USP39: variants seen among roughly 807,000 people sequenced by gnomAD.
USP39 encodes the protein ubiquitin specific peptidase 39.
A neutral mutation model predicts 66.4 loss-of-function variants in USP39; 38 were observed. The observed-to-expected ratio is 0.57, with a 90% CI of 0.44 to 0.75. USP39 has a LOEUF of 0.75. Among genes scored for constraint, USP39 ranks in the 30% least tolerant of loss-of-function variants. USP39 has a pLI of 0.00. For synonymous variants in USP39, 303 were observed against 274.6 expected (o/e 1.10, Z -1.02); for missense variants, 608 against 714.4 (o/e 0.85, Z 1.70).
chr2:85,611,794 G>A, upstream of USP39: 1 of 1,610,874 alleles, frequency 6.2e-7, no homozygotes, highest in Non-Finnish European at 8.5e-7. Flanking sequence ...TCCCTGCGGG[G>A]AGCCGAGCGG....
upstream of USP39, chr2:85,612,169 G>GT: frequency 1.1e-6 from 1 of 910,596 alleles, no homozygotes. Flanking sequence ...GTCGGGTGGA[G>GT]TAGGGTATGC....
At chr2:85,610,053 T>G (rs1476211872), upstream of USP39, among the ~76,000 whole-genome samples, 1 of 144,454 alleles carries the variant, frequency 6.9e-6, no homozygotes, top group African/African-American at 2.6e-5. Flanking sequence ...CTTGCTCTGT[T>G]GCCCAGGCTG....
At position 85,628,537 on chromosome 2, in the gene USP39, A is replaced by G. The variant is rs573150443; in HGVS notation, c.724-2184A>G. Among the ~76,000 whole-genome samples, 6 of 152,160 alleles carry G rather than the reference A, an allele frequency of 3.9e-5. 1 individual carries two copies. The South Asian group carries it at 1.2e-3, about 32-fold the overall frequency. ...CTGATGAATTTTAGATCGCATAGGA[A>G]GTTCTCTTTATAAAAATAAATGGAT... On this transcript the variant is annotated intron_variant, in intron 5 of 12. Coordinates refer to ENST00000323701, the MANE Select transcript of USP39 (RefSeq NM_006590.4).
upstream of USP39, chr2:85,608,308 GGA>G (rs1434150505): frequency 3.3e-5 from 5 of 152,184 alleles, no homozygotes; most frequent in African/African-American, 1.2e-4. Context: ...CCTCAAAAAT[GGA>G]GGTCTCCCAC....
At chr2:85,645,321 G>A (rs1311743657) in intron 11 of USP39, 1 of 411,268 alleles carries the variant, frequency 2.4e-6, no homozygotes, top group Non-Finnish European at 4.3e-6. Flanking sequence ...CTGTAGCCCA[G>A]GCTGGAGTGC....
chr2:85,648,897 G>T lies in USP39; in HGVS notation c.*89G>T. 1.9e-6 allele frequency: 3 copies of T among 1,542,012 alleles called. No homozygotes were observed. In the South Asian group the frequency reaches 3.4e-5, roughly 17 times the overall value. The stretch of plus-strand genomic sequence containing the variant: ...GCTGTAGCTGAACACAGGCTGGCTG[G>T]TGGGCTTCCTAGGCCAGCCCAGCTT... On this transcript the variant is annotated 3_prime_UTR_variant, in exon 13 of 13. Coordinates refer to ENST00000323701, the MANE Select transcript of USP39 (RefSeq NM_006590.4).
chr2:85,627,478 T>G (rs1174798421), intron 5 of USP39, among the ~76,000 whole-genome samples: 3 of 151,918 alleles, frequency 2.0e-5, no homozygotes, highest in African/African-American at 7.3e-5. Context: ...AAACACAGGC[T>G]TATTGGGGAA....
intron 1 of USP39, chr2:85,603,119 A>C (rs1427191399): frequency 6.6e-6 from 1 of 152,300 alleles, no homozygotes; most frequent in Admixed American, 6.5e-5. Flanking sequence ...GTGGCGCCCC[A>C]TGCCTGCCTC....
At chr2:85,647,879 C>G (rs1676770101) in intron 11 of USP39, 51 bp from the exon 12 acceptor site, 4 of 1,561,588 alleles carry the variant, frequency 2.6e-6, no homozygotes, top group Non-Finnish European at 3.5e-6. Context: ...TCCTTCTACA[C>G]CCTTTTGGTT....
At chr2:85,629,938 G>A (rs1308149488) in intron 5 of USP39, among the ~76,000 whole-genome samples, 1 of 152,060 alleles carries the variant, frequency 6.6e-6, no homozygotes, top group Non-Finnish European at 1.5e-5. Flanking sequence ...CTCCAGCCTG[G>A]GGGATGGAGC....
chr2:85,617,414 G>A (rs780951438), intron 1 of USP39, among the ~76,000 whole-genome samples: 8 of 152,176 alleles, frequency 5.3e-5, no homozygotes, highest in African/African-American at 1.2e-4. Flanking sequence ...GTTTGTGCAC[G>A]TACTGCGACC....
chr2:85,639,729 G>T (rs974401048), intron 9 of USP39: 12 of 186,096 alleles, frequency 6.4e-5, no homozygotes, highest in Non-Finnish European at 1.2e-4. Context: ...TTACAGGCGT[G>T]GGCCACCACA....
At position 85,648,907 on chromosome 2, in the gene USP39, T is replaced by G. The variant is rs1348004028; in HGVS notation, c.*99T>G. 2 of 1,442,294 alleles carry G rather than the reference T, an allele frequency of 1.4e-6. No homozygotes were observed. The highest frequency in any genetic ancestry group is 2.8e-5 in the African/African-American group (2 of 70,904). The allele number at this position is 1,442,294 out of a possible 1,614,324, so 89.3% of individuals were successfully genotyped here. ...AACACAGGCTGGCTGGTGGGCTTCC[T>G]AGGCCAGCCCAGCTTGTATGGGTTC... On this transcript the variant is annotated 3_prime_UTR_variant, in exon 13 of 13. Coordinates refer to ENST00000323701, the MANE Select transcript of USP39 (RefSeq NM_006590.4).
chr2:85,635,960 A>G (rs561040423), intron 6 of USP39, 93 bp from the exon 7 acceptor site: 4 of 1,186,482 alleles, frequency 3.4e-6, no homozygotes, highest in Non-Finnish European at 1.3e-6. Context: ...CCAGAGAGGA[A>G]GGGGGAGAAC....
chr2:85,639,667 C>T (rs959629018), intron 9 of USP39: 3 of 249,826 alleles, frequency 1.2e-5, no homozygotes, highest in Admixed American at 5.1e-5. Flanking sequence ...AGGTTGGTCT[C>T]GAACTCTTGA....
Position 85,637,521 on chromosome 2 carries a change from C to A in USP39, c.1095+85C>A, listed in dbSNP as rs538102309. 1.0e-4 allele frequency: 151 copies of A among 1,450,996 alleles called. 1 individual carries two copies. In the South Asian group the frequency reaches 1.7e-3, roughly 16 times the overall value. The allele number at this position is 1,450,996 out of a possible 1,614,324, so 89.9% of individuals were successfully genotyped here. A position where few individuals can be genotyped will look rare whatever the true frequency, so the allele number is the denominator to read the frequency against. On this transcript the variant is annotated intron_variant, in intron 8 of 12. Transcript: ENST00000323701. ...GATGAAGAGATGCTCAGAGAACTGACAAGCCTGCTTGCCCTGTGAAGAGGT... is the reference window on the plus strand; with the variant it reads ...GATGAAGAGATGCTCAGAGAACTGAAAAGCCTGCTTGCCCTGTGAAGAGGT...
intron 6 of USP39, among the ~76,000 whole-genome samples, chr2:85,634,676 C>G (rs1418213107): frequency 6.6e-6 from 1 of 152,194 alleles, no homozygotes; most frequent in Non-Finnish European, 1.5e-5. Context: ...GCTAGGTTAT[C>G]TTGTGTTTAT....
chr2:85,612,441 TAG>T, upstream of USP39: 1 of 1,388,806 alleles, frequency 7.2e-7, no homozygotes, highest in Non-Finnish European at 9.9e-7. Context: ...GTTTCCTCAT[TAG>T]TAAATGGGAA....
At chr2:85,627,192 G>A (rs914066658) in intron 5 of USP39, among the ~76,000 whole-genome samples, 4 of 151,856 alleles carry the variant, frequency 2.6e-5, no homozygotes, top group Non-Finnish European at 5.9e-5. Flanking sequence ...TGCTCCCCAG[G>A]TTCAAGTGAT....
Sources: gnomAD v4.1 joint callset for allele counts (sites outside exome capture counted in the v4.1 genomes callset) on GRCh38, gnomAD v4.1.1 for gene constraint, MANE v1.5 for transcripts, NCBI Gene and HGNC (gene_info 2026-07-23, HGNC 2026-07-21) for gene names.